SGMS2: variants seen among roughly 807,000 people sequenced by gnomAD.
SGMS2 encodes the protein sphingomyelin synthase 2.
SGMS2 carries 21 observed loss-of-function variants against 43.8 expected under a neutral mutation model. The ratio of observed to expected loss-of-function variants is 0.48; its 90% CI spans 0.34 to 0.69. The LOEUF (loss-of-function observed/expected upper bound fraction) is 0.69. Among genes scored for constraint, SGMS2 ranks in the 30% least tolerant of loss-of-function variants. The probability of loss-of-function intolerance (pLI) is 0.01; values close to 1 mark genes in which losing one functional copy is unlikely to be tolerated. For missense variants in SGMS2, 384 were observed against 443.2 expected, an observed-to-expected ratio of 0.87 and a Z score of 1.20; for synonymous variants, 167 against 160.6, an observed-to-expected ratio of 1.04 and a Z score of -0.30.
At chr4:107,864,908 T>C (rs1433541037) in intron 2 of SGMS2, among the ~76,000 whole-genome samples, 1 of 152,192 alleles carries the variant, frequency 6.6e-6, no homozygotes, top group Non-Finnish European at 1.5e-5. Flanking sequence ...TTAAGTTTGG[T>C]TTATTTTATA....
In SGMS2 at chr4:107,827,163, A is replaced by G. The variant is rs147026074; in HGVS notation, c.-327+1910A>G. Among the ~76,000 whole-genome samples the G allele has an allele frequency of 6.6e-5, 10 of 152,344 alleles. No individual in the cohort carries two copies. In the East Asian group the frequency reaches 1.9e-3, roughly 29 times the overall value. The stretch of plus-strand genomic sequence containing the variant: ...TTCTTTTTTAAAGGAATAATTACTG[A>G]GAGTTTTGGACAGTTTTAGACTAAA... On this transcript the variant is annotated intron_variant, in intron 1 of 6. Transcript: ENST00000690982.
chr4:107,896,091 T>G, intron 3 of SGMS2, 83 bp downstream of exon 3: 1 of 1,284,866 alleles, frequency 7.8e-7, no homozygotes, highest in Non-Finnish European at 1.1e-6. Context: ...TTTTTCCTTT[T>G]TTTCCCCCAA....
chr4:107,895,302 G>T lies in SGMS2; in HGVS notation c.-244-8G>T. ...TAGTTTCTGAACATAATTTTGTTTTGCTTTTAGGTGGGATAGTAACATCTT... is the reference window on the plus strand; with the variant it reads ...TAGTTTCTGAACATAATTTTGTTTTTCTTTTAGGTGGGATAGTAACATCTT... On this transcript the variant is annotated splice_region_variant and splice_polypyrimidine_tract_variant and intron_variant, in intron 2 of 6. Coordinates refer to ENST00000690982, the MANE Select transcript of SGMS2 (RefSeq NM_001375905.1). 2.3e-6 allele frequency: 1 copy of T among 441,374 alleles called. No homozygotes were observed. The allele number at this position is 441,374 out of a possible 1,614,324, so 27.3% of individuals were successfully genotyped here.
intron 2 of SGMS2, among the ~76,000 whole-genome samples, chr4:107,859,862 A>G (rs566368985): frequency 6.6e-6 from 1 of 152,306 alleles, no homozygotes; most frequent in East Asian, 1.9e-4. Flanking sequence ...GTATGTTCTA[A>G]TTTAATCACT....
At chr4:107,853,138 T>C (rs1339039068) in intron 1 of SGMS2, among the ~76,000 whole-genome samples, 2 of 152,164 alleles carry the variant, frequency 1.3e-5, no homozygotes, top group Admixed American at 6.6e-5. Context: ...ATAACAACTT[T>C]GTGTCATGAA....
Position 107,903,269 on chromosome 4 carries a change from C to G in SGMS2, c.610C>G (p.Leu204Val). 1 of 1,614,056 alleles carries G rather than the reference C, an allele frequency of 6.2e-7. No homozygotes were observed. The highest frequency in any genetic ancestry group is 8.5e-7 in the Non-Finnish European group (1 of 1,179,954). ...CTCTCAGGCAAAAGTTCAACGGATT[C>G]TACGATTGATTTCTGGTGGTGGATT... ...GDSQAKVQRI[L>V]RLISGGGLSI... Residue 204 changes from leucine (L) to valine (V), a missense_variant, in exon 5 of 7, where the codon CTA becomes GTA. By Grantham distance (32) the Leu-to-Val change is conservative. Transcript: ENST00000690982.
chr4:107,902,600 C>T (rs1398537492), intron 4 of SGMS2, among the ~76,000 whole-genome samples: 1 of 152,216 alleles, frequency 6.6e-6, no homozygotes, highest in Non-Finnish European at 1.5e-5. Context: ...GGAGCTCTCC[C>T]AGCCTCCTGC....
intron 2 of SGMS2, among the ~76,000 whole-genome samples, chr4:107,884,578 G>T (rs1239952171): frequency 6.6e-6 from 1 of 152,204 alleles, no homozygotes; most frequent in African/African-American, 2.4e-5. Context: ...ACTGGGAACT[G>T]CTTAGGGCAA....
intron 1 of SGMS2, among the ~76,000 whole-genome samples, chr4:107,844,627 C>G (rs56692395): frequency 0.041 from 6,166 of 152,118 alleles, 420 homozygotes; most frequent in African/African-American, 0.14. Context: ...GATCACCTGA[C>G]CTCAGGAGGT....
intron 3 of SGMS2, 88 bp from the exon 4 acceptor site, chr4:107,899,480 ATTATTCT>A (rs1355390548): frequency 1.2e-5 from 10 of 861,144 alleles, no homozygotes; most frequent in South Asian, 1.7e-5. Context: ...TTCTGTACTG[ATTATTCT>A]TTATCCTGTT....
intron 1 of SGMS2, among the ~76,000 whole-genome samples, chr4:107,842,587 T>C (rs75416078): frequency 0.041 from 6,172 of 152,238 alleles, 425 homozygotes; most frequent in African/African-American, 0.14. Context: ...TTAGATCAAA[T>C]TAGTTCTAGT....
chr4:107,911,868 G>T lies in SGMS2; in HGVS notation c.*1315G>T, dbSNP rs1212829247. 6.6e-6 allele frequency: 1 copy of T among 152,176 alleles called. No homozygotes were observed. 9.4% of individuals were successfully genotyped at this position (152,176 alleles called of 1,614,324 possible). A position where few individuals can be genotyped will look rare whatever the true frequency, so the allele number is the denominator to read the frequency against. ...TTTAGTGCATTATTTAATGCTATTG[G>T]ATCTTTTGGATAATTCTTGGCTTAA... On this transcript the variant is annotated 3_prime_UTR_variant, in exon 7 of 7. Coordinates refer to ENST00000690982, the MANE Select transcript of SGMS2 (RefSeq NM_001375905.1).
At chr4:107,908,253 G>T in intron 5 of SGMS2, 1 of 218,032 alleles carries the variant, frequency 4.6e-6, no homozygotes, top group Non-Finnish European at 9.0e-6. Flanking sequence ...AGCAATTCCA[G>T]CAAACCTAAT....
At chr4:107,851,763 G>T (rs9942271) in intron 1 of SGMS2, among the ~76,000 whole-genome samples, 8,646 of 151,912 alleles carry the variant, frequency 0.057, 828 homozygotes, top group African/African-American at 0.2. Context: ...TTTTTACTTT[G>T]GGTTTCATTT....
intron 1 of SGMS2, among the ~76,000 whole-genome samples, chr4:107,843,232 T>C (rs1395362321): frequency 6.6e-6 from 1 of 152,164 alleles, no homozygotes; most frequent in East Asian, 1.9e-4. Context: ...TATTCTGGCA[T>C]TCTGAGAATC....
In SGMS2 at chr4:107,895,835, C is replaced by T. The variant is rs749041752; in HGVS notation, c.282C>T (p.Thr94=). 2.1e-5 allele frequency: 34 copies of T among 1,613,834 alleles called. No homozygotes were observed. The Admixed American group carries it at 2.5e-4, about 12-fold the overall frequency. Residue 94 remains threonine (T), a synonymous_variant, in exon 3 of 7, where the codon ACC becomes ACT. Transcript: ENST00000690982. ...IYAVFNLVLT[T]VMITVVHERV... ...CAGTTTTCAACCTCGTCTTGACAAC[C>T]GTCATGATCACAGTTGTACATGAGA...
chr4:107,862,861 C>G (rs182212290), intron 2 of SGMS2, among the ~76,000 whole-genome samples: 1 of 152,296 alleles, frequency 6.6e-6, no homozygotes, highest in South Asian at 2.1e-4. Context: ...CTGAACACCT[C>G]ACTGAATGAA....
chr4:107,892,233 CCA>C (rs1730286210), intron 2 of SGMS2, among the ~76,000 whole-genome samples: 1 of 63,324 alleles, frequency 1.6e-5, no homozygotes, highest in East Asian at 4.9e-4. Flanking sequence ...AACTAAAACT[CCA>C]AAAAAAAAAA....
chr4:107,884,503 G>C (rs541481573), intron 2 of SGMS2, among the ~76,000 whole-genome samples: 2,020 of 152,180 alleles, frequency 0.013, 26 homozygotes, highest in Non-Finnish European at 0.021. Context: ...TAAACAAAGG[G>C]GGGGGAAATG....
Sources: gnomAD v4.1 joint callset for allele counts (sites outside exome capture counted in the v4.1 genomes callset) on GRCh38, gnomAD v4.1.1 for gene constraint, MANE v1.5 for transcripts, NCBI Gene and HGNC (gene_info 2026-07-23, HGNC 2026-07-21) for gene names.